The following LRPPRC variants were observed in gnomAD, a reference collection of about 807,000 sequenced individuals.
The protein encoded by LRPPRC is leucine rich pentatricopeptide repeat containing.
A neutral mutation model predicts 180.3 loss-of-function variants in LRPPRC; 120 were observed. That is an observed-to-expected ratio of 0.67 (90% CI 0.57 to 0.77). LRPPRC has a LOEUF of 0.77. LRPPRC is among the 30% of genes least tolerant of loss of function. The pLI, the probability that LRPPRC is intolerant of heterozygous loss-of-function variation, is 0.00. For synonymous variants in LRPPRC, 723 were observed against 600.0 expected (o/e 1.21, Z -3.00); for missense variants, 2,012 against 1,657.2 (o/e 1.21, Z -3.72).
rs1008482074 is a variant in LRPPRC at position 43,980,337 on chromosome 2, T to G, written c.347-389A>C. Among the ~76,000 whole-genome samples, 12 of 152,224 alleles carry G rather than the reference T, an allele frequency of 7.9e-5. No homozygotes were observed. In the East Asian group the frequency reaches 1.9e-3, roughly 25 times the overall value. On this transcript the variant is annotated intron_variant, in intron 2 of 37. Transcript: ENST00000260665. ...GGGAGGTTGAGGCAGGCAGATCACC[T>G]GAGGTCGGGAGTTTGAGACCAGCCT...
At chr2:43,965,794 C>T (rs1673528803) in intron 11 of LRPPRC, among the ~76,000 whole-genome samples, 2 of 152,098 alleles carry the variant, frequency 1.3e-5, no homozygotes, top group African/African-American at 4.8e-5. Flanking sequence ...CAGGGAAATG[C>T]AAATTTAAGC....
chr2:43,977,356 A>C (rs1674102907), intron 3 of LRPPRC, 80 bp from the exon 4 acceptor site: 1 of 1,095,030 alleles, frequency 9.1e-7, no homozygotes. Context: ...TTTAACAAAC[A>C]AAAAGAGTAA....
intron 3 of LRPPRC, 35 bp downstream of exon 3, chr2:43,979,791 C>T (rs372115227): frequency 6.9e-6 from 11 of 1,603,030 alleles, no homozygotes; most frequent in African/African-American, 4.0e-5. Flanking sequence ...AACATCTACA[C>T]CTTTTATACA....
At position 43,949,647 on chromosome 2, in the gene LRPPRC, A is replaced by G. The variant is rs1416286828; in HGVS notation, c.1690T>C (p.Leu564=). Residue 564 remains leucine (L), a synonymous_variant, in exon 16 of 38, where the codon TTG becomes CTG. Coordinates refer to ENST00000260665, the MANE Select transcript of LRPPRC (RefSeq NM_133259.4). ...TGGCAATAACGTCCATCCTTGTACA[A>G]CAATTCTGTTATCTGGTAAGACAGA... ...INLWSEITEL[L]YKDGRYCQEP... The G allele has an allele frequency of 6.2e-7, 1 of 1,613,718 alleles. No homozygotes were observed. The highest frequency in any genetic ancestry group is 1.1e-5 in the South Asian group (1 of 91,042).
intron 7 of LRPPRC, 109 bp downstream of exon 7, chr2:43,974,982 G>A (rs779147959): frequency 1.3e-5 from 16 of 1,195,864 alleles, no homozygotes; most frequent in East Asian, 2.4e-5. Context: ...TTTCTGCAAG[G>A]AAACATCTTT....
chr2:43,928,502 A>T (rs1026329816), intron 25 of LRPPRC, among the ~76,000 whole-genome samples: 1 of 152,158 alleles, frequency 6.6e-6, no homozygotes, highest in Non-Finnish European at 1.5e-5. Context: ...TGAAAGCAAC[A>T]ACAAAAACCG....
At chr2:43,917,807 A>G (rs956549502) in intron 29 of LRPPRC, among the ~76,000 whole-genome samples, 2 of 152,114 alleles carry the variant, frequency 1.3e-5, no homozygotes, top group Non-Finnish European at 2.9e-5. Context: ...TAATAAAAAG[A>G]GTAATTCCTT....
Position 43,942,270 on chromosome 2 carries a change from G to A in LRPPRC, c.2504+1417C>T, listed in dbSNP as rs561480766. Among the ~76,000 whole-genome samples, 7 of 152,054 alleles carry A rather than the reference G, an allele frequency of 4.6e-5. No homozygotes were observed. In the South Asian group the frequency reaches 1.2e-3, roughly 27 times the overall value. ...GAGGGCCTAATTTTTCTGGGCACTG[G>A]GCCCATTTCTTTCAAATCCTTCTGT... On this transcript the variant is annotated intron_variant, in intron 23 of 37. Transcript: ENST00000260665.
intron 29 of LRPPRC, among the ~76,000 whole-genome samples, chr2:43,914,748 G>C (rs568414275): frequency 6.6e-6 from 1 of 151,940 alleles, no homozygotes; most frequent in South Asian, 2.1e-4. Flanking sequence ...GAAAAGAAAA[G>C]AATTAACAGG....
At chr2:43,919,097 G>A (rs565036222) in intron 27 of LRPPRC, among the ~76,000 whole-genome samples, 2 of 151,766 alleles carry the variant, frequency 1.3e-5, no homozygotes, top group Middle Eastern at 6.8e-3. Context: ...CCTCCTGTCA[G>A]ATCAGCGGCA....
intron 1 of LRPPRC, among the ~76,000 whole-genome samples, chr2:43,987,932 T>C (rs919648276): frequency 3.3e-5 from 5 of 152,046 alleles, no homozygotes; most frequent in Admixed American, 2.6e-4. Flanking sequence ...ATATTAATTA[T>C]GGTAAATGTA....
chr2:43,941,418 T>C (rs567873119), intron 23 of LRPPRC, among the ~76,000 whole-genome samples: 1 of 152,318 alleles, frequency 6.6e-6, no homozygotes, highest in African/African-American at 2.4e-5. Context: ...TTCAAAATGT[T>C]TTTTATACTT....
chr2:43,937,420 C>A (rs1000464505), intron 23 of LRPPRC, among the ~76,000 whole-genome samples: 1 of 152,108 alleles, frequency 6.6e-6, no homozygotes, highest in African/African-American at 2.4e-5. Context: ...TGGATCATGT[C>A]ATTTTAAAAG....
intron 3 of LRPPRC, among the ~76,000 whole-genome samples, chr2:43,977,935 T>A (rs1355487498): frequency 6.6e-6 from 1 of 152,298 alleles, no homozygotes; most frequent in East Asian, 1.9e-4. Context: ...AAATTTCACA[T>A]CTTTATTCAA....
chr2:43,960,041 CAT>C (rs1210736238), intron 13 of LRPPRC, among the ~76,000 whole-genome samples: 2 of 152,178 alleles, frequency 1.3e-5, no homozygotes, highest in African/African-American at 2.4e-5. Flanking sequence ...ATTGTATTAA[CAT>C]GTGATGAGCA....
chr2:43,889,619 T>A, intron 37 of LRPPRC, 115 bp downstream of exon 37: 1 of 923,792 alleles, frequency 1.1e-6, no homozygotes, highest in Admixed American at 1.9e-5. Context: ...TGAGGGCTCT[T>A]CACAGAGATC....
At chr2:43,966,453 C>A (rs1673563812) in intron 11 of LRPPRC, among the ~76,000 whole-genome samples, 1 of 150,782 alleles carries the variant, frequency 6.6e-6, no homozygotes, top group South Asian at 2.1e-4. Context: ...TCTTGTTGTG[C>A]AAGCTGGAGT....
intron 25 of LRPPRC, among the ~76,000 whole-genome samples, chr2:43,928,849 T>C (rs1671983831): frequency 1.3e-5 from 2 of 152,162 alleles, no homozygotes; most frequent in South Asian, 4.1e-4. Context: ...GGTTAGAGTT[T>C]GACCATCTGT....
intron 29 of LRPPRC, among the ~76,000 whole-genome samples, chr2:43,916,237 T>C (rs1284695294): frequency 6.6e-6 from 1 of 152,088 alleles, no homozygotes; most frequent in African/African-American, 2.4e-5. Context: ...ACTGAAGGAA[T>C]CATTCTATGG....
Sources: allele counts gnomAD v4.1 joint callset (sites outside exome capture counted in the v4.1 genomes callset), GRCh38; gene constraint gnomAD v4.1.1; transcripts MANE v1.5; gene names NCBI Gene and HGNC (gene_info 2026-07-23, HGNC 2026-07-21).